DNAH14: variants seen among roughly 807,000 people sequenced by gnomAD.
DNAH14 encodes the protein dynein axonemal heavy chain 14, also known as axonemal beta dynein heavy chain 14.
A neutral mutation model predicts 520.9 loss-of-function variants in DNAH14; 478 were observed. The ratio of observed to expected loss-of-function variants is 0.92; its 90% CI spans 0.85 to 0.99. The LOEUF is 0.99. DNAH14 is among the 50% of genes least tolerant of loss of function. The pLI is 0.00. For missense variants in DNAH14, 4,831 were observed against 5,234.5 expected (o/e 0.92, Z 2.38); for synonymous variants, 1,581 against 1,757.2 (o/e 0.90, Z 2.51).
Position 225,270,877 on chromosome 1 carries a change from TA to T in DNAH14, c.7671+12del. On this transcript the variant is annotated intron_variant, in intron 50 of 85. Coordinates refer to ENST00000682510, the MANE Select transcript of DNAH14 (RefSeq NM_001367479.1). ...TGTACTATTTTCCAGGTAACACATC[TA>T]GTTCATTTTCTACTGAAAAAAATTA... The T allele has an allele frequency of 6.5e-7, 1 of 1,546,320 alleles. No individual in the cohort carries two copies. Among genetic ancestry groups the T allele is most frequent in the African/African-American group, 1.4e-5 (1 of 73,066 alleles).
intron 2 of DNAH14, among the ~76,000 whole-genome samples, chr1:224,953,918 A>G (rs935288728): frequency 1.3e-5 from 2 of 152,226 alleles, no homozygotes; most frequent in Admixed American, 6.5e-5. Flanking sequence ...CATAAACAAT[A>G]CAAACCATAA....
At chr1:225,019,573 A>G (rs921069287) in intron 10 of DNAH14, among the ~76,000 whole-genome samples, 22 of 152,206 alleles carry the variant, frequency 1.4e-4, no homozygotes, top group African/African-American at 5.1e-4. Context: ...AGTTGGATCT[A>G]ACAGACACCT....
At position 225,386,175 on chromosome 1, in the gene DNAH14, A is replaced by G. The variant is rs2095839757; in HGVS notation, c.13078-2204A>G. 3.3e-5 allele frequency among the ~76,000 whole-genome samples: 5 copies of G among 152,362 alleles called. No individual in the cohort carries two copies. The South Asian group carries it at 1.0e-3, about 32-fold the overall frequency. Reference sequence around the variant, plus strand: ...ATGGTGCTGGGAAAACTGGCTAGCCATATGTAGAAAGCTGAAACTGGATCC... The same window carrying G: ...ATGGTGCTGGGAAAACTGGCTAGCCGTATGTAGAAAGCTGAAACTGGATCC... On this transcript the variant is annotated intron_variant, in intron 81 of 85. Coordinates refer to ENST00000682510, the MANE Select transcript of DNAH14 (RefSeq NM_001367479.1).
intron 41 of DNAH14, among the ~76,000 whole-genome samples, chr1:225,227,627 T>C (rs2090666877): frequency 6.6e-6 from 1 of 152,152 alleles, no homozygotes; most frequent in South Asian, 2.1e-4. Flanking sequence ...TCCACATCCA[T>C]TGTGGCATCA....
chr1:225,232,280 T>TATACACACACACAC lies in DNAH14; in HGVS notation c.6518+1130_6518+1131insTACACACACACACA, dbSNP rs1553258510. Among the ~76,000 whole-genome samples the TATACACACACACAC allele has an allele frequency of 2.0e-4, 30 of 149,594 alleles. No individual in the cohort carries two copies. The highest frequency in any genetic ancestry group is 6.4e-4 in the African/African-American group (26 of 40,780). On this transcript the variant is annotated intron_variant, in intron 42 of 85. Coordinates refer to ENST00000682510, the MANE Select transcript of DNAH14 (RefSeq NM_001367479.1). The surrounding 1 kb of genome is among the most constrained non-coding windows in gnomAD (Gnocchi z 4.2). ...ATATATAAACTGTGATATATATATA[T>TATACACACACACAC]ACACACACACACACACACACGTGTA...
chr1:225,250,836 T>G (rs2092515498), intron 43 of DNAH14: 1 of 424,696 alleles, frequency 2.4e-6, no homozygotes. Flanking sequence ...ATCTGGTACC[T>G]GGCTTTGGGG....
intron 19 of DNAH14, among the ~76,000 whole-genome samples, chr1:225,081,472 A>G (rs1280770346): frequency 4.6e-5 from 7 of 152,168 alleles, no homozygotes; most frequent in Admixed American, 2.0e-4. Context: ...ATCCCCTCTC[A>G]ATATTTTGTT....
At chr1:224,998,416 A>C (rs1366218645) in intron 8 of DNAH14, among the ~76,000 whole-genome samples, 1 of 152,106 alleles carries the variant, frequency 6.6e-6, no homozygotes, top group African/African-American at 2.4e-5. Flanking sequence ...CAGTGCTATA[A>C]ATTTCTGTCA....
intron 75 of DNAH14, among the ~76,000 whole-genome samples, chr1:225,361,192 A>G (rs2095488663): frequency 6.6e-6 from 1 of 152,236 alleles, no homozygotes; most frequent in African/African-American, 2.4e-5. Flanking sequence ...CACACATTAT[A>G]TGCACTGATG....
At position 225,232,362 on chromosome 1, in the gene DNAH14, T is replaced by A. The variant is rs2091215378; in HGVS notation, c.6518+1211T>A. ...AGATTTTCAATTTTGTTATTAACAA[T>A]AGTAATATGATTAATGTGCTTGTAC... On this transcript the variant is annotated intron_variant, in intron 42 of 85. Transcript: ENST00000682510. This position sits in a 1 kb window ranked among gnomAD's most constrained non-coding sequence, Gnocchi z 4.2. Among the ~76,000 whole-genome samples, 1 of 152,140 alleles carries A rather than the reference T, an allele frequency of 6.6e-6. No individual in the cohort carries two copies. Among genetic ancestry groups the A allele is most frequent in the African/African-American group, 2.4e-5 (1 of 41,432 alleles).
Position 225,333,357 on chromosome 1 carries a change from C to G in DNAH14, c.9931C>G (p.Leu3311Val), listed in dbSNP as rs1462424220. 6 of 1,551,806 alleles carry G rather than the reference C, an allele frequency of 3.9e-6. No homozygotes were observed. The highest frequency in any genetic ancestry group is 5.2e-6 in the Non-Finnish European group (6 of 1,146,930). Residue 3311 changes from leucine to valine, a missense_variant, in exon 66 of 86, where the codon CTT becomes GTT. By Grantham distance (32) the Leu-to-Val change is conservative. Transcript: ENST00000682510. ...AGAAGGAATTTTGGGTGACATACTT[C>G]TTTCAGCAGCGTGCATTGTCTACAG... ...KLEGILGDILLSAACIVYSGI... is the reference protein window; with the variant it reads ...KLEGILGDILVSAACIVYSGI...
chr1:225,278,982 G>T (rs186075530), intron 54 of DNAH14, among the ~76,000 whole-genome samples: 2 of 151,966 alleles, frequency 1.3e-5, no homozygotes, highest in East Asian at 1.9e-4. Context: ...GGGTTTTTTT[G>T]TTTGTTTGTT....
intron 34 of DNAH14, among the ~76,000 whole-genome samples, chr1:225,155,818 C>T (rs778928676): frequency 6.6e-6 from 1 of 151,936 alleles, no homozygotes; most frequent in South Asian, 2.1e-4. Context: ...CTTTAAAGCA[C>T]CACAGAAGCC....
At chr1:225,012,982 C>A (rs1463461639) in intron 10 of DNAH14, among the ~76,000 whole-genome samples, 2 of 152,186 alleles carry the variant, frequency 1.3e-5, no homozygotes, top group Non-Finnish European at 2.9e-5. Flanking sequence ...CAAACTCATT[C>A]TCCATCCAGT....
chr1:225,180,738 C>A (rs2083887362), intron 36 of DNAH14, among the ~76,000 whole-genome samples: 1 of 152,176 alleles, frequency 6.6e-6, no homozygotes, highest in African/African-American at 2.4e-5. Flanking sequence ...TCAAACTGTA[C>A]CACTGTGTAC....
At chr1:225,091,554 A>G (rs572076336) in intron 21 of DNAH14, among the ~76,000 whole-genome samples, 2 of 152,264 alleles carry the variant, frequency 1.3e-5, no homozygotes, top group South Asian at 4.1e-4. Context: ...TTACCACCAA[A>G]CCTGCCTTAA....
Position 225,266,764 on chromosome 1 carries a change from T to C in DNAH14, c.7534T>C (p.Trp2512Arg). ...AGTTTATGATACTGAAAAAAATACA[T>C]GGAAGGTACAGTATATACTAAGATT... ...GGVYDTEKNT[W>R]KNIQDLSIVA... Residue 2512 changes from tryptophan to arginine, a missense_variant, in exon 49 of 86, where the codon TGG (tryptophan) becomes CGG (arginine). Transcript: ENST00000682510. 6.6e-7 allele frequency: 1 copy of C among 1,507,366 alleles called. No individual in the cohort carries two copies. Among genetic ancestry groups the C allele is most frequent in the East Asian group, 2.5e-5 (1 of 39,250 alleles). 93.4% of individuals were successfully genotyped at this position (1,507,366 alleles called of 1,614,324 possible). A position where few individuals can be genotyped will look rare whatever the true frequency, so the allele number is the denominator to read the frequency against.
Position 225,147,087 on chromosome 1 carries a change from C to CTTT in DNAH14, c.4795-8_4795-6dup. The CTTT allele has an allele frequency of 2.5e-6, 3 of 1,176,492 alleles. No individual in the cohort carries two copies. The highest frequency in any genetic ancestry group is 3.4e-6 in the Non-Finnish European group (3 of 871,710). The allele number at this position is 1,176,492 out of a possible 1,614,324, so 72.9% of individuals were successfully genotyped here. Reference sequence around the variant, plus strand: ...TTATAATAATTTTAGTAATCAATCTCTTTTTTTTTTTAAAAGATAGTGAGA... The same window carrying CTTT: ...TTATAATAATTTTAGTAATCAATCTCTTTTTTTTTTTTTTAAAAGATAGTGAGA... On this transcript the variant is annotated splice_polypyrimidine_tract_variant and intron_variant, in intron 30 of 85. Transcript: ENST00000682510.
chr1:225,006,109 A>G (rs942343072), intron 9 of DNAH14, among the ~76,000 whole-genome samples: 10 of 152,186 alleles, frequency 6.6e-5, no homozygotes, highest in African/African-American at 9.7e-5. Context: ...CAATCTTTGA[A>G]CATAAATTGT....
Sources: allele counts gnomAD v4.1 joint callset (sites outside exome capture counted in the v4.1 genomes callset), GRCh38; gene constraint gnomAD v4.1.1; non-coding constraint Gnocchi (gnomAD v3.1); transcripts MANE v1.5; gene names NCBI Gene and HGNC (gene_info 2026-07-23, HGNC 2026-07-21).